Variants in HPD observed in about 807,000 individuals in gnomAD.
The protein encoded by HPD is 4-hydroxyphenylpyruvate dioxygenase, also known as 4-hydroxyphenylpyruvic acid oxidase.
HPD carries 35 observed loss-of-function variants against 56.9 expected under a neutral mutation model. The ratio of observed to expected loss-of-function variants is 0.62; its 90% CI spans 0.47 to 0.82. The LOEUF (loss-of-function observed/expected upper bound fraction) is 0.82, where lower values mean the gene tolerates loss of function less well. Among genes scored for constraint, HPD ranks in the 40% least tolerant of loss-of-function variants. HPD has a pLI of 0.00. For missense variants in HPD, 442 were observed against 506.8 expected (o/e 0.87, Z 1.23); for synonymous variants, 186 against 200.2 (o/e 0.93, Z 0.60).
chr12:121,839,965 G>A lies in HPD; in HGVS notation c.1038C>T (p.Leu346=), dbSNP rs145947530. The A allele has an allele frequency of 1.0e-4, 164 of 1,614,024 alleles. No individual in the cohort carries two copies. In the African/African-American group the frequency reaches 1.8e-3, roughly 18 times the overall value. ...TGTGGCGCTGGATGACTTCCAGGAA[G>A]AGCGTGGGCCGGTCCTGCACCGGTT... The part of the protein sequence containing the change: ...FTKPVQDRPT[L]FLEVIQRHNH... The change falls in exon 13 of 14, where the codon CTC becomes CTT. Residue 346 remains leucine (L), a synonymous_variant. Coordinates refer to ENST00000289004, the MANE Select transcript of HPD (RefSeq NM_002150.3).
At position 121,847,226 on chromosome 12, in the gene HPD, G is replaced by A; in HGVS notation, c.597-12C>T. 6.2e-7 allele frequency: 1 copy of A among 1,614,056 alleles called. No homozygotes were observed. ...GGTTTTTCAGGTACCTGTAGGGTGG[G>A]CGGTGGAACACATATGCTCTGAGCG... On this transcript the variant is annotated splice_polypyrimidine_tract_variant and intron_variant, in intron 9 of 13. Transcript: ENST00000289004.
At position 121,839,681 on chromosome 12, in the gene HPD, C is replaced by T; in HGVS notation, c.*47G>A. The T allele has an allele frequency of 7.4e-7, 1 of 1,357,334 alleles. No individual in the cohort carries two copies. The highest frequency in any genetic ancestry group is 1.2e-5 in the South Asian group (1 of 85,924). 84.1% of individuals were successfully genotyped at this position (1,357,334 alleles called of 1,614,324 possible). A position where few individuals can be genotyped will look rare whatever the true frequency, so the allele number is the denominator to read the frequency against. ...AGGGAAGTTGGGCGAGTTCCAGAAT[C>T]AGGGGGCGTGGCTGTGTGGCTGTGG... On this transcript the variant is annotated 3_prime_UTR_variant, in exon 14 of 14. Transcript: ENST00000289004.
the HPD span, among the ~76,000 whole-genome samples, chr12:121,879,481 T>C: frequency 8.7e-6 from 1 of 114,736 alleles, no homozygotes; most frequent in Admixed American, 9.2e-5. Flanking sequence ...TTTTCTCTTC[T>C]GTTCTCTTCT....
chr12:121,839,851 A>T lies in HPD; in HGVS notation c.1072-13T>A, dbSNP rs751718679. 6.2e-7 allele frequency: 1 copy of T among 1,613,384 alleles called. No individual in the cohort carries two copies. Among genetic ancestry groups the T allele is most frequent in the Non-Finnish European group, 8.5e-7 (1 of 1,179,298 alleles). On this transcript the variant is annotated splice_polypyrimidine_tract_variant and intron_variant, in intron 13 of 13. Coordinates refer to ENST00000289004, the MANE Select transcript of HPD (RefSeq NM_002150.3). ...CGGCTCCAAAACCCTGTGGCGGGAA[A>T]GAGAGGAGATGAGCCAAGGACCCAG...
chr12:121,883,341 A>C, the HPD span, among the ~76,000 whole-genome samples: 1 of 151,108 alleles, frequency 6.6e-6, no homozygotes, highest in African/African-American at 2.4e-5. Flanking sequence ...TGCCAATGTC[A>C]CTCTTGGGAA....
At chr12:121,870,286 A>G in the HPD span, among the ~76,000 whole-genome samples, 79 of 152,098 alleles carry the variant, frequency 5.2e-4, no homozygotes, top group Admixed American at 1.4e-3. Flanking sequence ...CTCTTTACTC[A>G]TTAAATCCAC....
At chr12:121,847,966 A>T (rs1877641716) in intron 9 of HPD, among the ~76,000 whole-genome samples, 1 of 152,148 alleles carries the variant, frequency 6.6e-6, no homozygotes, top group South Asian at 2.1e-4. Flanking sequence ...CCCAGCCTAG[A>T]TTTGTACCTT....
chr12:121,875,535 C>G, the HPD span, among the ~76,000 whole-genome samples: 1 of 151,290 alleles, frequency 6.6e-6, no homozygotes, highest in Admixed American at 6.6e-5. Flanking sequence ...AAGCAATCCT[C>G]CTACCTCAGC....
At chr12:121,854,930 A>AT in intron 6 of HPD, 138 bp from the exon 7 acceptor site, 1 of 714,638 alleles carries the variant, frequency 1.4e-6, no homozygotes, top group Non-Finnish European at 2.6e-6. Context: ...AACCCCAGCC[A>AT]GCTTCAGCCA....
At chr12:121,868,520 CTTTTTTT>C (rs869188699), upstream of HPD, among the ~76,000 whole-genome samples, 24 of 12,528 alleles carry the variant, frequency 1.9e-3, no homozygotes, top group Non-Finnish European at 8.1e-3. Context: ...TTTCTTTTTT[CTTTTTTT>C]TTTTTTTTTT....
chr12:121,840,291 T>A (rs1238395778), intron 12 of HPD, among the ~76,000 whole-genome samples: 1 of 152,080 alleles, frequency 6.6e-6, no homozygotes. Context: ...CCCGCAGACA[T>A]TATCAGGACA....
Position 121,843,810 on chromosome 12 carries a change from CCT to C in HPD, c.852_853del (p.Gly285ProfsTer30), listed in dbSNP as rs142252243. The C allele has an allele frequency of 3.7e-6, 6 of 1,613,486 alleles. No homozygotes were observed. The Admixed American group carries it at 6.7e-5, about 18-fold the overall frequency. ...GGAGGGAACAGATAAGAACTCCAGG[CCT>C]CTCTCTCTCAAGTGGCGAATCTGTT... On this transcript the variant is annotated frameshift_variant, in exon 12 of 14. Coordinates refer to ENST00000289004, the MANE Select transcript of HPD (RefSeq NM_002150.3). LOFTEE classifies it high-confidence loss of function.
At position 121,847,077 on chromosome 12, in the gene HPD, G is replaced by A. The variant is rs1877611171; in HGVS notation, c.734C>T (p.Pro245Leu). The part of the protein sequence containing the change: ...SIKMPINEPA[P>L]GKKKSQIQEY... ...CTGGATCTGGGACTTCTTCTTGCCAGGCGCTGGCTCATTGATGGGCATCTT... is the reference window on the plus strand; with the variant it reads ...CTGGATCTGGGACTTCTTCTTGCCAAGCGCTGGCTCATTGATGGGCATCTT... The change falls in exon 10 of 14, where the codon CCT (proline) becomes CTT (leucine). Residue 245 changes from proline to leucine, a missense_variant. Transcript: ENST00000289004. 1.2e-6 allele frequency: 2 copies of A among 1,614,056 alleles called. No homozygotes were observed. The highest frequency in any genetic ancestry group is 1.7e-6 in the Non-Finnish European group (2 of 1,180,042).
chr12:121,888,497 C>A, the HPD span, among the ~76,000 whole-genome samples: 3 of 152,220 alleles, frequency 2.0e-5, no homozygotes, highest in African/African-American at 7.2e-5. Context: ...CGCAGCGGTT[C>A]TCTGGCGTAC....
chr12:121,851,740 C>T (rs1421987067), intron 7 of HPD, among the ~76,000 whole-genome samples: 3 of 2,244 alleles, frequency 1.3e-3, no homozygotes, highest in Admixed American at 6.9e-3. Context: ...GACGGAGTCT[C>T]GCTCTGTCGC....
In HPD at chr12:121,846,951, G is replaced by A. The variant is rs1470217695; in HGVS notation, c.760-18C>T. On this transcript the variant is annotated intron_variant, in intron 10 of 13. Transcript: ENST00000289004. ...ACATATTCCTGGGGGAGGGAAACAA[G>A]GAGACCACTGTCATTTGCCCCATCA... 1 of 1,613,654 alleles carries A rather than the reference G, an allele frequency of 6.2e-7. No homozygotes were observed. Among genetic ancestry groups the A allele is most frequent in the Non-Finnish European group, 8.5e-7 (1 of 1,179,812 alleles).
chr12:121,884,853 C>T, the HPD span, among the ~76,000 whole-genome samples: 3 of 151,836 alleles, frequency 2.0e-5, no homozygotes, highest in Non-Finnish European at 2.9e-5. Flanking sequence ...AACATTTTGC[C>T]GTATTTACTT....
At chr12:121,868,520 CTT>C (rs869188699), upstream of HPD, among the ~76,000 whole-genome samples, 5 of 12,522 alleles carry the variant, frequency 4.0e-4, no homozygotes, top group Admixed American at 2.8e-3. Flanking sequence ...TTTCTTTTTT[CTT>C]TTTTTTTTTT....
At chr12:121,862,749 C>T (rs189164369), upstream of HPD, among the ~76,000 whole-genome samples, 255 of 131,644 alleles carry the variant, frequency 1.9e-3, 2 homozygotes, top group African/African-American at 7.1e-3. Context: ...GGTGCAATCT[C>T]GGCTCACTGC....
Sources: gnomAD v4.1 joint callset for allele counts (sites outside exome capture counted in the v4.1 genomes callset) on GRCh38, gnomAD v4.1.1 for gene constraint, MANE v1.5 for transcripts, NCBI Gene and HGNC (gene_info 2026-07-23, HGNC 2026-07-21) for gene names.